MARCHF1: variants seen among roughly 807,000 people sequenced by gnomAD.
MARCHF1 encodes E3 ubiquitin-protein ligase MARCHF1.
In MARCHF1, 40 loss-of-function variants were observed where a neutral mutation model predicts 54.2. The observed-to-expected ratio is 0.74, with a 90% CI of 0.57 to 0.96. The LOEUF is 0.96. Among genes scored for constraint, MARCHF1 ranks in the 40% least tolerant of loss-of-function variants. The pLI is 0.00. For synonymous variants in MARCHF1, 236 were observed against 236.3 expected (o/e 1.00, Z 0.01); for missense variants, 586 against 656.5 (o/e 0.89, Z 1.17).
chr4:163,893,250 C>T (rs999491580), intron 3 of MARCHF1, among the ~76,000 whole-genome samples: 6 of 152,014 alleles, frequency 3.9e-5, no homozygotes, highest in African/African-American at 4.8e-5. Flanking sequence ...GCAATTCTCC[C>T]ACCTCAGTCT....
At chr4:163,549,079 G>C (rs970892215) in intron 8 of MARCHF1, among the ~76,000 whole-genome samples, 1 of 152,188 alleles carries the variant, frequency 6.6e-6, no homozygotes, top group African/African-American at 2.4e-5. Flanking sequence ...TTGTTCCTGA[G>C]AAGATCCTCT....
At chr4:163,550,281 CAAAAAAAA>C (rs60320461) in intron 8 of MARCHF1, among the ~76,000 whole-genome samples, 11 of 105,140 alleles carry the variant, frequency 1.0e-4, no homozygotes, top group Admixed American at 9.8e-5. Context: ...GACTCCGTCT[CAAAAAAAA>C]AAAAAAAAAA....
At chr4:164,068,509 C>T (rs1036918727) in intron 2 of MARCHF1, among the ~76,000 whole-genome samples, 4 of 152,304 alleles carry the variant, frequency 2.6e-5, no homozygotes, top group African/African-American at 9.6e-5. Flanking sequence ...CCAGCCCCGC[C>T]GGCCCCGAGC....
intron 1 of MARCHF1, among the ~76,000 whole-genome samples, chr4:164,296,196 C>A (rs545900414): frequency 3.4e-4 from 52 of 152,216 alleles, no homozygotes; most frequent in African/African-American, 1.3e-3. Flanking sequence ...CCAGTGTCAC[C>A]AAATCAATCA....
At chr4:163,743,272 A>G (rs781216739) in intron 4 of MARCHF1, among the ~76,000 whole-genome samples, 1 of 152,222 alleles carries the variant, frequency 6.6e-6, no homozygotes, top group Non-Finnish European at 1.5e-5. Context: ...TAAAACTGCC[A>G]GGACAGTTCC....
intron 1 of MARCHF1, among the ~76,000 whole-genome samples, chr4:164,356,038 G>C (rs1228720112): frequency 7.4e-6 from 1 of 135,942 alleles, no homozygotes; most frequent in African/African-American, 2.6e-5. Context: ...CTGGCCATCA[G>C]AGAAATGCAA....
intron 5 of MARCHF1, among the ~76,000 whole-genome samples, chr4:163,692,605 T>G (rs1744499838): frequency 7.0e-6 from 1 of 143,158 alleles, no homozygotes; most frequent in Non-Finnish European, 1.5e-5. Context: ...CTGAAAGAAT[T>G]TATGTTTTAT....
chr4:164,051,209 A>G (rs1474869890), intron 2 of MARCHF1, among the ~76,000 whole-genome samples: 1 of 152,208 alleles, frequency 6.6e-6, no homozygotes, highest in Non-Finnish European at 1.5e-5. Flanking sequence ...AGGTTTACAG[A>G]AAATATATGC....
Position 163,700,872 on chromosome 4 carries a change from T to C in MARCHF1, c.112-9A>G. The C allele has an allele frequency of 6.5e-7, 1 of 1,532,210 alleles. No homozygotes were observed. Among genetic ancestry groups the C allele is most frequent in the Non-Finnish European group, 8.8e-7 (1 of 1,142,588 alleles). The allele number at this position is 1,532,210 out of a possible 1,614,324, so 94.9% of individuals were successfully genotyped here. A position where few individuals can be genotyped will look rare whatever the true frequency, so the allele number is the denominator to read the frequency against. The stretch of plus-strand genomic sequence containing the variant: ...CCTGGGGATTTTTCATTCTGAAAAA[T>C]AAAATGGGAAACATTAATTAAAAGA... On this transcript the variant is annotated splice_polypyrimidine_tract_variant and intron_variant, in intron 4 of 9. Transcript: ENST00000514618.
chr4:164,024,949 T>C (rs558603261), intron 2 of MARCHF1, among the ~76,000 whole-genome samples: 2 of 151,462 alleles, frequency 1.3e-5, no homozygotes, highest in South Asian at 4.2e-4. Flanking sequence ...TTATATCGGA[T>C]AGAATATATT....
intron 2 of MARCHF1, among the ~76,000 whole-genome samples, chr4:164,049,093 C>T (rs1457636817): frequency 6.6e-6 from 1 of 152,134 alleles, no homozygotes; most frequent in Non-Finnish European, 1.5e-5. Flanking sequence ...TGAGAATGTG[C>T]AATTTATAAA....
intron 2 of MARCHF1, among the ~76,000 whole-genome samples, chr4:164,015,788 A>C (rs1753526358): frequency 6.6e-6 from 1 of 152,124 alleles, no homozygotes; most frequent in African/African-American, 2.4e-5. Flanking sequence ...AATGGCTTAT[A>C]TCCGAAAGAC....
At chr4:163,560,802 G>T (rs534139532) in intron 8 of MARCHF1, among the ~76,000 whole-genome samples, 35 of 152,132 alleles carry the variant, frequency 2.3e-4, no homozygotes, top group Admixed American at 1.7e-3. Flanking sequence ...TATTTTTAAA[G>T]ATTTCAATTT....
rs143276869 is a variant in MARCHF1 at position 163,664,505 on chromosome 4, C to T, written c.162+36308G>A. 4.2e-3 allele frequency among the ~76,000 whole-genome samples: 646 copies of T among 152,086 alleles called. 11 individuals carry two copies. The highest frequency in any genetic ancestry group is 0.015 in the African/African-American group (621 of 41,528). On this transcript the variant is annotated intron_variant, in intron 5 of 9. Transcript: ENST00000514618. ...GAAATGGAGGAGATTTCCCCAACAC[C>T]CTAGCCAGTCAGTGCCCCACCTACA... is the stretch of plus-strand genomic sequence containing the variant.
intron 2 of MARCHF1, among the ~76,000 whole-genome samples, chr4:164,005,788 A>G (rs1228448967): frequency 5.3e-5 from 8 of 152,172 alleles, no homozygotes; most frequent in Non-Finnish European, 1.0e-4. Context: ...TGGCAGCACC[A>G]CATTGTAGGA....
At chr4:164,138,105 G>A (rs998061015) in intron 1 of MARCHF1, among the ~76,000 whole-genome samples, 5 of 152,144 alleles carry the variant, frequency 3.3e-5, no homozygotes. Flanking sequence ...GAGCTGTTGG[G>A]AGGAGTGAGA....
intron 4 of MARCHF1, among the ~76,000 whole-genome samples, chr4:163,738,045 C>T (rs562086046): frequency 2.5e-4 from 38 of 152,260 alleles, no homozygotes; most frequent in Non-Finnish European, 4.0e-4. Flanking sequence ...ATGTTGGATG[C>T]GTTGAAGAGG....
chr4:164,333,335 T>G lies in MARCHF1; in HGVS notation c.-323+50535A>C, dbSNP rs577686426. Among the ~76,000 whole-genome samples the G allele has an allele frequency of 1.7e-4, 26 of 152,352 alleles. No homozygotes were observed. In the South Asian group the frequency reaches 3.3e-3, roughly 19 times the overall value. ...CTTTACAGAAACTGTTTTTTACAGA[T>G]TAAAAGTCTGTGGCAGCCCTGTGTT... On this transcript the variant is annotated intron_variant, in intron 1 of 9. Coordinates refer to ENST00000514618, the MANE Select transcript of MARCHF1 (RefSeq NM_001394959.1).
intron 3 of MARCHF1, among the ~76,000 whole-genome samples, chr4:163,873,100 T>A (rs921570995): frequency 6.6e-6 from 1 of 151,660 alleles, no homozygotes; most frequent in Non-Finnish European, 1.5e-5. Flanking sequence ...AAAAAAATGA[T>A]GAAGTCATAG....
Sources: allele counts gnomAD v4.1 joint callset (sites outside exome capture counted in the v4.1 genomes callset), GRCh38; gene constraint gnomAD v4.1.1; transcripts MANE v1.5; gene names NCBI Gene and HGNC (gene_info 2026-07-23, HGNC 2026-07-21).